Variants in FOXN3 observed in about 807,000 individuals in gnomAD.
The protein encoded by FOXN3 is forkhead box protein N3.
In FOXN3, 7 loss-of-function variants were observed where a neutral mutation model predicts 38.4. The observed-to-expected ratio is 0.18, with a 90% CI of 0.10 to 0.34. FOXN3 has a LOEUF of 0.34. Among genes scored for constraint, FOXN3 ranks in the 10% least tolerant of loss-of-function variants. FOXN3 has a pLI of 1.00. For missense variants in FOXN3, 456 were observed against 613.4 expected (o/e 0.74, Z 2.71); for synonymous variants, 230 against 242.2 (o/e 0.95, Z 0.47).
intron 1 of FOXN3, among the ~76,000 whole-genome samples, chr14:89,591,372 C>T (rs1895946549): frequency 6.6e-6 from 1 of 152,154 alleles, no homozygotes; most frequent in Admixed American, 6.5e-5. Context: ...GTTTACATCC[C>T]CTACACAGGA....
At chr14:89,169,524 CACACTCACAAA>C (rs201221268) in intron 5 of FOXN3, among the ~76,000 whole-genome samples, 1 of 151,678 alleles carries the variant, frequency 6.6e-6, no homozygotes, top group East Asian at 1.9e-4. Flanking sequence ...CACACACACA[CACACTCACAAA>C]ACACACACAC....
Position 89,397,379 on chromosome 14 carries a change from T to TG in FOXN3, c.543+14554dup, listed in dbSNP as rs1261199538. 2.7e-5 allele frequency among the ~76,000 whole-genome samples: 4 copies of TG among 150,172 alleles called. No individual in the cohort carries two copies. The East Asian group carries it at 7.8e-4, about 29-fold the overall frequency. ...TGAAATAATCTGTACAACAAACCCCTGTGACATGAGTTTATCTATATAACA... is the reference window on the plus strand; with the variant it reads ...TGAAATAATCTGTACAACAAACCCCTGGTGACATGAGTTTATCTATATAACA... On this transcript the variant is annotated intron_variant, in intron 2 of 5. Transcript: ENST00000557258.
At chr14:89,375,613 A>C (rs1890457501) in intron 2 of FOXN3, among the ~76,000 whole-genome samples, 1 of 152,250 alleles carries the variant, frequency 6.6e-6, no homozygotes. Flanking sequence ...AATAGTATTA[A>C]GAACCAAGCA....
chr14:89,226,749 G>A (rs1884653253), intron 4 of FOXN3, among the ~76,000 whole-genome samples: 1 of 152,158 alleles, frequency 6.6e-6, no homozygotes, highest in Non-Finnish European at 1.5e-5. Context: ...CAAGTAGGAT[G>A]GGCCCCTAAT....
At chr14:89,390,490 T>TAAAAAAAAAAAAAAAAA (rs376776864) in intron 2 of FOXN3, among the ~76,000 whole-genome samples, 1 of 130,174 alleles carries the variant, frequency 7.7e-6, no homozygotes, top group Non-Finnish European at 1.6e-5. Flanking sequence ...AGCTGCTTTT[T>TAAAAAAAAAAAAAAAAA]AAAAAAAAAA....
intron 4 of FOXN3, among the ~76,000 whole-genome samples, chr14:89,218,276 T>G (rs1350423777): frequency 6.6e-6 from 1 of 152,208 alleles, no homozygotes; most frequent in African/African-American, 2.4e-5. Context: ...ATCGGACAAG[T>G]CAATGGAGCA....
intron 4 of FOXN3, among the ~76,000 whole-genome samples, chr14:89,220,716 C>T (rs927574930): frequency 1.3e-5 from 2 of 152,218 alleles, no homozygotes; most frequent in East Asian, 3.9e-4. Flanking sequence ...GGCTGACCTG[C>T]CAGGCAACTG....
At chr14:89,505,208 T>C (rs1249671832) in intron 1 of FOXN3, among the ~76,000 whole-genome samples, 1 of 152,144 alleles carries the variant, frequency 6.6e-6, no homozygotes, top group Non-Finnish European at 1.5e-5. Context: ...CTTTAGTCTG[T>C]AGGTTGCCTA....
chr14:89,555,876 T>TGGGGGGGG (rs1566698429), intron 1 of FOXN3, among the ~76,000 whole-genome samples: 2 of 108,516 alleles, frequency 1.8e-5, no homozygotes, highest in Non-Finnish European at 4.1e-5. Flanking sequence ...TGTGTGTGTG[T>TGGGGGGGG]ATGTGGGGGT....
At chr14:89,463,946 A>G (rs567722181) in intron 1 of FOXN3, among the ~76,000 whole-genome samples, 66 of 152,180 alleles carry the variant, frequency 4.3e-4, no homozygotes, top group African/African-American at 1.6e-3. Flanking sequence ...CACCACACCC[A>G]GTGAATTTTG....
intron 4 of FOXN3, among the ~76,000 whole-genome samples, chr14:89,269,696 G>C (rs970886425): frequency 1.3e-5 from 2 of 151,950 alleles, no homozygotes; most frequent in Non-Finnish European, 2.9e-5. Flanking sequence ...CCGGAGAGGT[G>C]GCCTTTTGAC....
At position 89,449,213 on chromosome 14, in the gene FOXN3, T is replaced by C. The variant is rs79712923; in HGVS notation, c.-14-36723A>G. ...GCTTACTGATTGAACACAGCTCTTCTATCCAAACCTTCCCCATACCTAAGT... is the reference window on the plus strand; with the variant it reads ...GCTTACTGATTGAACACAGCTCTTCCATCCAAACCTTCCCCATACCTAAGT... On this transcript the variant is annotated intron_variant, in intron 1 of 6. Coordinates refer to the FOXN3 transcript ENST00000345097. Among the ~76,000 whole-genome samples, 1,220 of 152,330 alleles carry C rather than the reference T, an allele frequency of 8.0e-3. 16 individuals are homozygous for C. Among genetic ancestry groups the C allele is most frequent in the African/African-American group, 0.027 (1,133 of 41,568 alleles).
intron 2 of FOXN3, among the ~76,000 whole-genome samples, chr14:89,371,288 C>A (rs927212765): frequency 2.0e-5 from 3 of 152,000 alleles, no homozygotes; most frequent in African/African-American, 7.3e-5. Flanking sequence ...GATTTTGTAC[C>A]CTCTTCCAAT....
intron 3 of FOXN3, among the ~76,000 whole-genome samples, chr14:89,331,884 T>C (rs750199706): frequency 7.2e-5 from 11 of 152,240 alleles, no homozygotes; most frequent in Non-Finnish European, 1.6e-4. Flanking sequence ...TGGTAATCTT[T>C]ATTTTAGATT....
intron 4 of FOXN3, chr14:89,190,557 T>A (rs1596090438): frequency 1.3e-6 from 1 of 799,090 alleles, no homozygotes; most frequent in Non-Finnish European, 2.0e-6. Context: ...AAAAAAAAAA[T>A]ATCCAGCAAC....
At chr14:89,391,994 ACT>A (rs1890960803) in intron 2 of FOXN3, among the ~76,000 whole-genome samples, 1 of 151,722 alleles carries the variant, frequency 6.6e-6, no homozygotes, top group South Asian at 2.1e-4. Flanking sequence ...AACCCTATAA[ACT>A]CTTTCCATTT....
At chr14:89,428,299 G>C (rs1401001276) in intron 1 of FOXN3, among the ~76,000 whole-genome samples, 1 of 152,144 alleles carries the variant, frequency 6.6e-6, no homozygotes, top group African/African-American at 2.4e-5. Context: ...GGCTAGTCAA[G>C]TTCACCAACC....
intron 3 of FOXN3, among the ~76,000 whole-genome samples, chr14:89,347,754 C>A (rs1160152882): frequency 6.6e-6 from 1 of 152,146 alleles, no homozygotes; most frequent in African/African-American, 2.4e-5. Context: ...GAGATTGAGA[C>A]CAGCCTGGCC....
chr14:89,606,127 TA>T (rs1490137672), intron 1 of FOXN3, among the ~76,000 whole-genome samples: 1 of 152,204 alleles, frequency 6.6e-6, no homozygotes, highest in Admixed American at 6.5e-5. Flanking sequence ...AAACAATCAT[TA>T]TGCCTCCCAA....
Sources: gnomAD v4.1 joint callset for allele counts (sites outside exome capture counted in the v4.1 genomes callset) on GRCh38, gnomAD v4.1.1 for gene constraint, MANE v1.5 for transcripts, NCBI Gene and HGNC (gene_info 2026-07-23, HGNC 2026-07-21) for gene names.